Variants in ELP3 observed in about 807,000 individuals in gnomAD.
The protein encoded by ELP3 is elongator complex protein 3.
A neutral mutation model predicts 74.9 loss-of-function variants in ELP3; 56 were observed. That is an observed-to-expected ratio of 0.75 (90% CI 0.60 to 0.93). The LOEUF (loss-of-function observed/expected upper bound fraction) is 0.93, where lower values mean the gene tolerates loss of function less well. ELP3 is among the 40% of genes least tolerant of loss of function. The pLI, the probability that ELP3 is intolerant of heterozygous loss-of-function variation, is 0.00. For synonymous variants in ELP3, 222 were observed against 239.8 expected (o/e 0.93, Z 0.68); for missense variants, 573 against 686.5 (o/e 0.83, Z 1.85).
chr8:28,097,117 G>A, intron 1 of ELP3, 102 bp from the exon 2 acceptor site: 2 of 687,810 alleles, frequency 2.9e-6, no homozygotes, highest in South Asian at 3.7e-5. Flanking sequence ...TATTCATTTG[G>A]CATATTTGTA....
intron 3 of ELP3, among the ~76,000 whole-genome samples, chr8:28,104,703 C>T (rs1234955303): frequency 6.6e-6 from 1 of 152,184 alleles, no homozygotes. Context: ...AGCAGCACTA[C>T]GTTCTTCTCG....
Position 28,107,938 on chromosome 8 carries a change from G to A in ELP3, c.355G>A (p.Asp119Asn). ...CVYCPGGPDS[D>N]FEYSTQSYTG... ...ATACTGCCCTGGTGGACCTGATTCT[G>A]ATTTTGAGTATTCCACCCAGTCTTA... is the stretch of plus-strand genomic sequence containing the variant. Residue 119 changes from aspartate to asparagine, a missense_variant, in exon 5 of 15, where the codon GAT (aspartate) becomes AAT (asparagine). Coordinates refer to ENST00000256398, the MANE Select transcript of ELP3 (RefSeq NM_018091.6). 6.2e-7 allele frequency: 1 copy of A among 1,613,972 alleles called. No individual in the cohort carries two copies. Among genetic ancestry groups the A allele is most frequent in the East Asian group, 2.2e-5 (1 of 44,864 alleles).
chr8:28,160,484 T>G, intron 13 of ELP3, 28 bp downstream of exon 13: 2 of 1,594,698 alleles, frequency 1.3e-6, no homozygotes, highest in Non-Finnish European at 1.7e-6. Context: ...TCTATTTGAC[T>G]TCTAAGAAAC....
intron 10 of ELP3, among the ~76,000 whole-genome samples, chr8:28,154,550 T>G (rs1216452182): frequency 6.6e-6 from 1 of 152,182 alleles, no homozygotes; most frequent in Non-Finnish European, 1.5e-5. Context: ...TAATAATTTA[T>G]ATATTTGTGA....
intron 11 of ELP3, among the ~76,000 whole-genome samples, chr8:28,158,293 A>G (rs1813920273): frequency 6.6e-6 from 1 of 152,130 alleles, no homozygotes; most frequent in African/African-American, 2.4e-5. Context: ...ATTATATTAT[A>G]TATTGATCTT....
At chr8:28,124,574 T>C (rs1431683147) in intron 7 of ELP3, among the ~76,000 whole-genome samples, 2 of 152,180 alleles carry the variant, frequency 1.3e-5, no homozygotes, top group African/African-American at 2.4e-5. Flanking sequence ...CCCTTAAATT[T>C]CAATGTGGAT....
At position 28,136,618 on chromosome 8, in the gene ELP3, C is replaced by T. The variant is rs934098299; in HGVS notation, c.907-1080C>T. Among the ~76,000 whole-genome samples, 6 of 152,246 alleles carry T rather than the reference C, an allele frequency of 3.9e-5. No homozygotes were observed. The East Asian group carries it at 5.8e-4, about 15-fold the overall frequency. On this transcript the variant is annotated intron_variant, in intron 9 of 14. Transcript: ENST00000256398. ...ACATAAAGAATACAGCATTTAAGAA[C>T]GTGACAGATGTCAATGAGAGATGGA...
chr8:28,126,513 T>C (rs993631560), intron 7 of ELP3, among the ~76,000 whole-genome samples: 1 of 152,016 alleles, frequency 6.6e-6, no homozygotes, highest in Non-Finnish European at 1.5e-5. Context: ...AAAAGAGCAG[T>C]GGAATTGGAA....
intron 1 of ELP3, among the ~76,000 whole-genome samples, chr8:28,094,099 C>T (rs942832911): frequency 6.6e-6 from 1 of 152,130 alleles, no homozygotes; most frequent in East Asian, 1.9e-4. Flanking sequence ...TCTAAGTGTC[C>T]AAGTTACCTT....
At chr8:28,097,737 T>A (rs922455337) in intron 2 of ELP3, among the ~76,000 whole-genome samples, 4 of 152,200 alleles carry the variant, frequency 2.6e-5, no homozygotes, top group African/African-American at 9.6e-5. Flanking sequence ...AGCTTAAGAA[T>A]ACTAATAGCT....
intron 13 of ELP3, 142 bp downstream of exon 13, chr8:28,160,598 T>G (rs1474103937): frequency 8.3e-6 from 6 of 718,572 alleles, no homozygotes; most frequent in Non-Finnish European, 1.4e-5. Flanking sequence ...AGCCAGTGTT[T>G]TAGTTGTTCA....
chr8:28,165,943 A>G (rs1814290633), intron 14 of ELP3, among the ~76,000 whole-genome samples: 1 of 152,336 alleles, frequency 6.6e-6, no homozygotes, highest in East Asian at 1.9e-4. Flanking sequence ...AGAAAATTGA[A>G]AACTTTCTCA....
Position 28,173,306 on chromosome 8 carries a change from T to C in ELP3, c.1567+11228T>C, listed in dbSNP as rs1039402498. ...TTATTACTGATTCAGTTTCTTGTTATGTATTTATGTAGACTTTGTTTATGA... is the reference window on the plus strand; with the variant it reads ...TTATTACTGATTCAGTTTCTTGTTACGTATTTATGTAGACTTTGTTTATGA... On this transcript the variant is annotated intron_variant, in intron 14 of 14. Coordinates refer to ENST00000256398, the MANE Select transcript of ELP3 (RefSeq NM_018091.6). Among the ~76,000 whole-genome samples the C allele has an allele frequency of 2.0e-4, 30 of 152,036 alleles. 1 individual carries two copies. Among genetic ancestry groups the C allele is most frequent in the African/African-American group, 6.3e-4 (26 of 41,458 alleles).
chr8:28,176,292 A>G (rs1434572672), intron 14 of ELP3, among the ~76,000 whole-genome samples: 13 of 152,204 alleles, frequency 8.5e-5, no homozygotes, highest in Non-Finnish European at 1.9e-4. Context: ...AAATCTTTTG[A>G]TACACTCCAC....
chr8:28,108,688 C>T (rs1036725869), intron 5 of ELP3, among the ~76,000 whole-genome samples: 37 of 152,134 alleles, frequency 2.4e-4, no homozygotes, highest in African/African-American at 8.2e-4. Context: ...AACTGCTGAC[C>T]TTAAGTGATC....
chr8:28,093,045 A>T, upstream of ELP3: 1 of 1,119,448 alleles, frequency 8.9e-7, no homozygotes. Flanking sequence ...GTTAGTTGCA[A>T]CACGGGGCGG....
At position 28,190,587 on chromosome 8, in the gene ELP3, T is replaced by C. The variant is rs1012931872; in HGVS notation, c.*862T>C. 1 of 151,708 alleles carries C rather than the reference T, an allele frequency of 6.6e-6. No individual in the cohort carries two copies. The highest frequency in any genetic ancestry group is 1.5e-5 in the Non-Finnish European group (1 of 67,926). The allele number at this position is 151,708 out of a possible 1,614,324, so 9.4% of individuals were successfully genotyped here. ...CATTACTTGCAATTTTTTTTTTTTT[T>C]CTGAGAAAGTCTCGCTGTGTCACCC... On this transcript the variant is annotated 3_prime_UTR_variant, in exon 15 of 15. Transcript: ENST00000256398.
Position 28,189,593 on chromosome 8 carries a change from G to A in ELP3, c.1568-56G>A, listed in dbSNP as rs367795769. 3.5e-5 allele frequency: 56 copies of A among 1,581,390 alleles called. No homozygotes were observed. In the East Asian group the frequency reaches 6.0e-4, roughly 17 times the overall value. On this transcript the variant is annotated intron_variant, in intron 14 of 14. Coordinates refer to ENST00000256398, the MANE Select transcript of ELP3 (RefSeq NM_018091.6). ...TGTAAGGCTGAGGGAAGCACATGCCGACTTTTGAGAATTGCTAAAGTGAAT... is the reference window on the plus strand; with the variant it reads ...TGTAAGGCTGAGGGAAGCACATGCCAACTTTTGAGAATTGCTAAAGTGAAT...
At chr8:28,099,535 T>A (rs1320721776) in intron 2 of ELP3, among the ~76,000 whole-genome samples, 2 of 152,222 alleles carry the variant, frequency 1.3e-5, no homozygotes, top group African/African-American at 2.4e-5. Context: ...AATAGTCCTT[T>A]GAAGCTGCAG....
Sources: allele counts gnomAD v4.1 joint callset (sites outside exome capture counted in the v4.1 genomes callset), GRCh38; gene constraint gnomAD v4.1.1; transcripts MANE v1.5; gene names NCBI Gene and HGNC (gene_info 2026-07-23, HGNC 2026-07-21).